GOLPH3: variants seen among roughly 807,000 people sequenced by gnomAD.
GOLPH3 encodes the protein coat protein GPP34.
In GOLPH3, 14 loss-of-function variants were observed where a neutral mutation model predicts 28.5. The ratio of observed to expected loss-of-function variants is 0.49; its 90% CI spans 0.32 to 0.77. The LOEUF (loss-of-function observed/expected upper bound fraction) is 0.77, where lower values mean the gene tolerates loss of function less well. GOLPH3 is among the 30% of genes least tolerant of loss of function. The pLI is 0.03. For missense variants in GOLPH3, 350 were observed against 393.7 expected (o/e 0.89, Z 0.94); for synonymous variants, 158 against 159.2 (o/e 0.99, Z 0.06).
chr5:32,145,240 C>T (rs940842359), intron 1 of GOLPH3, among the ~76,000 whole-genome samples: 3 of 152,188 alleles, frequency 2.0e-5, no homozygotes, highest in South Asian at 2.1e-4. Flanking sequence ...TTAAAGGAGG[C>T]ACAAGCGGAT....
rs185427413 is a variant in GOLPH3 at position 32,125,484 on chromosome 5, T to G, written c.*728A>C. ...GAGGGGCACCAGGTGTACAACTGAT[T>G]AGATCTTGCAAAATACTAAGATGGG... On this transcript the variant is annotated 3_prime_UTR_variant, in exon 4 of 4. Transcript: ENST00000265070. The G allele has an allele frequency of 3.9e-5, 6 of 152,736 alleles. No individual in the cohort carries two copies. The highest frequency in any genetic ancestry group is 3.3e-4 in the Admixed American group (5 of 15,294). The allele number at this position is 152,736 out of a possible 1,614,324, so 9.5% of individuals were successfully genotyped here.
intron 1 of GOLPH3, among the ~76,000 whole-genome samples, chr5:32,161,284 T>C (rs1228470401): frequency 1.6e-4 from 24 of 149,728 alleles, no homozygotes; most frequent in African/African-American, 6.0e-4. Context: ...ACGCCTGTAG[T>C]CCCGGCTACT....
chr5:32,134,027 T>C (rs1167544124), intron 3 of GOLPH3, among the ~76,000 whole-genome samples: 1 of 152,236 alleles, frequency 6.6e-6, no homozygotes, highest in Non-Finnish European at 1.5e-5. Flanking sequence ...AAAGTGCCCA[T>C]TATTGCCGTT....
At chr5:32,167,764 A>G (rs1746748538) in intron 1 of GOLPH3, among the ~76,000 whole-genome samples, 1 of 150,670 alleles carries the variant, frequency 6.6e-6, no homozygotes, top group South Asian at 2.1e-4. Context: ...TAGGCAACAT[A>G]GTGAGACCAC....
intron 2 of GOLPH3, 27 bp downstream of exon 2, chr5:32,143,722 A>C: frequency 6.3e-7 from 1 of 1,584,828 alleles, no homozygotes; most frequent in Non-Finnish European, 8.6e-7. Flanking sequence ...CCTCTTTAAA[A>C]AGAATGTTAC....
At chr5:32,133,140 GTGTTTACATACT>G (rs1745861728) in intron 3 of GOLPH3, among the ~76,000 whole-genome samples, 1 of 152,174 alleles carries the variant, frequency 6.6e-6, no homozygotes, top group African/African-American at 2.4e-5. Context: ...AATCCTAACT[GTGTTTACATACT>G]TGTGAGAAAA....
In GOLPH3 at chr5:32,125,655, T is replaced by A. The variant is rs1745660061; in HGVS notation, c.*557A>T. 1 of 152,748 alleles carries A rather than the reference T, an allele frequency of 6.5e-6. No homozygotes were observed. The highest frequency in any genetic ancestry group is 6.5e-5 in the Admixed American group (1 of 15,286). 9.5% of individuals were successfully genotyped at this position (152,748 alleles called of 1,614,324 possible). A position where few individuals can be genotyped will look rare whatever the true frequency, so the allele number is the denominator to read the frequency against. On this transcript the variant is annotated 3_prime_UTR_variant, in exon 4 of 4. Transcript: ENST00000265070. Reference sequence around the variant, plus strand: ...ATAACAAGTGTAATAATACAATAGATTTACATGGGAAGCAAAATCCAAGGG... The same window carrying A: ...ATAACAAGTGTAATAATACAATAGAATTACATGGGAAGCAAAATCCAAGGG...
chr5:32,153,623 G>C (rs1005172283), intron 1 of GOLPH3, among the ~76,000 whole-genome samples: 1 of 151,862 alleles, frequency 6.6e-6, no homozygotes, highest in Non-Finnish European at 1.5e-5. Flanking sequence ...TAATACAAGC[G>C]GTAAGCCAAT....
At chr5:32,166,969 G>A (rs182085344) in intron 1 of GOLPH3, among the ~76,000 whole-genome samples, 2 of 151,936 alleles carry the variant, frequency 1.3e-5, no homozygotes, top group South Asian at 2.1e-4. Context: ...TGTTAGAAGG[G>A]GGGGGGAGTT....
intron 3 of GOLPH3, among the ~76,000 whole-genome samples, chr5:32,127,420 C>T (rs73063713): frequency 1.4e-3 from 208 of 152,306 alleles, no homozygotes; most frequent in African/African-American, 4.9e-3. Flanking sequence ...TGTTAAAGAT[C>T]AACCACAGGC....
Position 32,158,140 on chromosome 5 carries a change from C to A in GOLPH3, c.226-14260G>T, listed in dbSNP as rs200018601. 1.1e-3 allele frequency among the ~76,000 whole-genome samples: 116 copies of A among 109,696 alleles called. 6 individuals are homozygous for A. Among genetic ancestry groups the A allele is most frequent in the African/African-American group, 4.0e-3 (114 of 28,760 alleles). 72.0% of individuals were successfully genotyped at this position (109,696 alleles called of 152,430 possible). Reference sequence around the variant, plus strand: ...TAAATAAATAAATAAAATACACACACACACACACACACACACACACACACA... The same window carrying A: ...TAAATAAATAAATAAAATACACACAAACACACACACACACACACACACACA... On this transcript the variant is annotated intron_variant, in intron 1 of 3. Coordinates refer to ENST00000265070, the MANE Select transcript of GOLPH3 (RefSeq NM_022130.4).
Position 32,125,907 on chromosome 5 carries a change from G to A in GOLPH3, c.*305C>T, listed in dbSNP as rs1398111779. 7.0e-5 allele frequency: 20 copies of A among 286,082 alleles called. No homozygotes were observed. In the South Asian group the frequency reaches 1.4e-3, roughly 20 times the overall value. 17.7% of individuals were successfully genotyped at this position (286,082 alleles called of 1,614,324 possible). A position where few individuals can be genotyped will look rare whatever the true frequency, so the allele number is the denominator to read the frequency against. The stretch of plus-strand genomic sequence containing the variant: ...GAGGTCATCCAAAAGCTGTGCGTAT[G>A]AGGAGGCTGGAGGTACTTTGAAAGT... On this transcript the variant is annotated 3_prime_UTR_variant, in exon 4 of 4. Transcript: ENST00000265070.
chr5:32,147,563 A>C (rs1254429254), intron 1 of GOLPH3, among the ~76,000 whole-genome samples: 2 of 152,134 alleles, frequency 1.3e-5, no homozygotes, highest in Non-Finnish European at 2.9e-5. Context: ...TTAGAAGAAA[A>C]GTTTTAGCAG....
At chr5:32,154,481 T>C (rs142267425) in intron 1 of GOLPH3, among the ~76,000 whole-genome samples, 184 of 152,360 alleles carry the variant, frequency 1.2e-3, no homozygotes, top group African/African-American at 4.3e-3. Context: ...GTATCTCTGG[T>C]CTCTCTAGTG....
chr5:32,164,551 G>A (rs1030126175), intron 1 of GOLPH3, among the ~76,000 whole-genome samples: 12 of 151,990 alleles, frequency 7.9e-5, no homozygotes, highest in African/African-American at 2.9e-4. Context: ...CCGCCAGCAC[G>A]CCAAGCTAAT....
intron 2 of GOLPH3, among the ~76,000 whole-genome samples, chr5:32,142,654 G>T (rs1162972083): frequency 1.4e-5 from 2 of 142,882 alleles, no homozygotes; most frequent in Non-Finnish European, 3.0e-5. Context: ...GAGGTGGGGG[G>T]GTCAGCCCCC....
intron 1 of GOLPH3, among the ~76,000 whole-genome samples, chr5:32,160,983 C>T (rs1049822051): frequency 1.5e-5 from 2 of 136,562 alleles, no homozygotes; most frequent in Non-Finnish European, 3.0e-5. Flanking sequence ...AGGAGAATGG[C>T]GTGAACCTGG....
At chr5:32,150,053 A>G (rs1746270718) in intron 1 of GOLPH3, among the ~76,000 whole-genome samples, 1 of 152,174 alleles carries the variant, frequency 6.6e-6, no homozygotes. Context: ...AAAACTCATA[A>G]GAGTAAATGG....
At chr5:32,133,401 ACTTT>A (rs1319725912) in intron 3 of GOLPH3, among the ~76,000 whole-genome samples, 1 of 152,236 alleles carries the variant, frequency 6.6e-6, no homozygotes, top group Non-Finnish European at 1.5e-5. Flanking sequence ...AGTCACCACA[ACTTT>A]GAGAAACCCT....
Sources: allele counts gnomAD v4.1 joint callset (sites outside exome capture counted in the v4.1 genomes callset), GRCh38; gene constraint gnomAD v4.1.1; transcripts MANE v1.5; gene names NCBI Gene and HGNC (gene_info 2026-07-23, HGNC 2026-07-21).